Variants in MYO16 observed in about 807,000 individuals in gnomAD.
MYO16 encodes the protein myosin XVI.
MYO16 carries 94 observed loss-of-function variants against 205.3 expected under a neutral mutation model. That is an observed-to-expected ratio of 0.46 (90% CI 0.39 to 0.54). The LOEUF (loss-of-function observed/expected upper bound fraction) is 0.54. Ranked by LOEUF, MYO16 falls within the 20% of genes least tolerant of loss-of-function variation. The pLI is 0.00. For synonymous variants in MYO16, 988 were observed against 954.0 expected (o/e 1.04, Z -0.66); for missense variants, 2,315 against 2,387.5 (o/e 0.97, Z 0.63).
chr13:108,603,925 T>G (rs1306491842), intron 1 of MYO16, among the ~76,000 whole-genome samples: 1 of 152,176 alleles, frequency 6.6e-6, no homozygotes, highest in East Asian at 1.9e-4. Flanking sequence ...TACAAATAAA[T>G]AGCTGAGACC....
At chr13:109,110,110 G>A (rs942744551) in intron 28 of MYO16, among the ~76,000 whole-genome samples, 4 of 152,198 alleles carry the variant, frequency 2.6e-5, no homozygotes, top group East Asian at 1.9e-4. Flanking sequence ...GTCCCATGGG[G>A]CAAACCATTA....
At chr13:109,093,007 G>T (rs79530130) in intron 27 of MYO16, among the ~76,000 whole-genome samples, 4,117 of 152,202 alleles carry the variant, frequency 0.027, 79 homozygotes, top group Non-Finnish European at 0.043. Context: ...AATTTTGTAA[G>T]ATACTATGAT....
At position 109,140,253 on chromosome 13, in the gene MYO16, T is replaced by A. The variant is rs1263159509; in HGVS notation, c.4052-11T>A. ...CCTGGCACCCACTGACCGCGTCCTT[T>A]CCTGCCGCAGCTCTGGCCCGGCCCA... On this transcript the variant is annotated splice_polypyrimidine_tract_variant and intron_variant, in intron 31 of 34. Coordinates refer to ENST00000457511, the MANE Select transcript of MYO16 (RefSeq NM_001198950.3). The surrounding 1 kb of genome is among the most constrained non-coding windows in gnomAD (Gnocchi z 8.0). 7 of 1,597,682 alleles carry A rather than the reference T, an allele frequency of 4.4e-6. No homozygotes were observed. In the South Asian group the frequency reaches 7.7e-5, roughly 18 times the overall value.
chr13:108,864,724 C>T (rs1878619466), intron 11 of MYO16, among the ~76,000 whole-genome samples: 2 of 151,940 alleles, frequency 1.3e-5, no homozygotes, highest in South Asian at 4.1e-4. Flanking sequence ...GAGATAGCAT[C>T]TCACCATGTT....
At chr13:109,074,681 G>T (rs950926829) in intron 27 of MYO16, among the ~76,000 whole-genome samples, 1 of 152,088 alleles carries the variant, frequency 6.6e-6, no homozygotes, top group African/African-American at 2.4e-5. Context: ...CAGGAGAACA[G>T]CGTGGGGGAA....
chr13:109,078,241 G>A (rs1331737961), intron 27 of MYO16, among the ~76,000 whole-genome samples: 2 of 148,604 alleles, frequency 1.3e-5, no homozygotes, highest in East Asian at 2.0e-4. Flanking sequence ...AGCCTGGGCA[G>A]CATGGCAAAA....
intron 5 of MYO16, 127 bp downstream of exon 5, chr13:108,785,870 G>T (rs1886443646): frequency 3.2e-6 from 2 of 618,540 alleles, no homozygotes; most frequent in Admixed American, 6.2e-5. Flanking sequence ...GTAGAAGATG[G>T]TATTTTTTCC....
the MYO16 span, among the ~76,000 whole-genome samples, chr13:108,510,477 T>TTTG: frequency 1.5e-5 from 2 of 133,052 alleles, no homozygotes; most frequent in Admixed American, 1.5e-4. Context: ...TTTTTTTTTT[T>TTTG]TTTTTTTTAT....
intron 28 of MYO16, among the ~76,000 whole-genome samples, chr13:109,109,594 A>T (rs1018526989): frequency 3.9e-5 from 6 of 152,294 alleles, no homozygotes; most frequent in African/African-American, 1.2e-4. Flanking sequence ...AAGGGAGGGG[A>T]GAGGACCTCA....
chr13:108,566,713 AGGAG>A, the MYO16 span, among the ~76,000 whole-genome samples: 1 of 143,164 alleles, frequency 7.0e-6, no homozygotes, highest in African/African-American at 2.6e-5. Context: ...GAGAAAGGAA[AGGAG>A]GAAGGAAGGA....
At chr13:108,558,206 T>C in the MYO16 span, among the ~76,000 whole-genome samples, 1 of 152,198 alleles carries the variant, frequency 6.6e-6, no homozygotes, top group South Asian at 2.1e-4. Flanking sequence ...CCCCTTTTTA[T>C]ACAACGTATT....
chr13:109,119,733 T>C (rs1875893410), intron 28 of MYO16, among the ~76,000 whole-genome samples: 1 of 152,238 alleles, frequency 6.6e-6, no homozygotes. Context: ...TAAAATTTCT[T>C]TTTAAAAATT....
At chr13:109,066,657 T>C (rs1014841826) in intron 27 of MYO16, among the ~76,000 whole-genome samples, 1 of 152,184 alleles carries the variant, frequency 6.6e-6, no homozygotes, top group African/African-American at 2.4e-5. Flanking sequence ...AAGGACCAAA[T>C]AGTACGTATT....
At chr13:108,780,389 C>A (rs1337930) in intron 4 of MYO16, among the ~76,000 whole-genome samples, 1 of 148,960 alleles carries the variant, frequency 6.7e-6, no homozygotes, top group Non-Finnish European at 1.5e-5. Flanking sequence ...CAGTGACCGA[C>A]TCATTCATTA....
intron 4 of MYO16, among the ~76,000 whole-genome samples, chr13:108,737,395 T>A (rs1463870934): frequency 2.0e-5 from 3 of 152,194 alleles, no homozygotes; most frequent in Admixed American, 2.0e-4. Flanking sequence ...ATTGAGATAA[T>A]CATGTGGTTT....
intron 6 of MYO16, among the ~76,000 whole-genome samples, chr13:108,798,196 T>C (rs1285883386): frequency 6.7e-6 from 1 of 148,464 alleles, no homozygotes; most frequent in African/African-American, 2.5e-5. Flanking sequence ...GTAAGGTATA[T>C]AGTGTATTTA....
intron 34 of MYO16, among the ~76,000 whole-genome samples, chr13:109,190,025 C>T (rs996180375): frequency 4.6e-5 from 7 of 151,914 alleles, no homozygotes; most frequent in African/African-American, 1.2e-4. Flanking sequence ...TAGGCTTACC[C>T]GTTTATGTGT....
chr13:108,912,185 A>G (rs985871206), intron 16 of MYO16, among the ~76,000 whole-genome samples: 5 of 152,132 alleles, frequency 3.3e-5, no homozygotes, highest in Admixed American at 3.3e-4. Flanking sequence ...GGTGAGTGAT[A>G]GTGCAGGTGG....
chr13:108,501,549 G>A, the MYO16 span, among the ~76,000 whole-genome samples: 3 of 152,206 alleles, frequency 2.0e-5, no homozygotes, highest in African/African-American at 7.2e-5. Flanking sequence ...TTGCAAAAAG[G>A]TCTGATTATT....
Sources: gnomAD v4.1 joint callset for allele counts (sites outside exome capture counted in the v4.1 genomes callset) on GRCh38, gnomAD v4.1.1 for gene constraint, Gnocchi (gnomAD v3.1) non-coding constraint, MANE v1.5 for transcripts, NCBI Gene and HGNC (gene_info 2026-07-23, HGNC 2026-07-21) for gene names.